TLE2: variants seen among roughly 807,000 people sequenced by gnomAD.
TLE2 encodes the protein transducin-like enhancer protein 2.
Under a neutral mutation model 97.2 loss-of-function variants are expected in TLE2, and 74 were observed. The observed-to-expected ratio is 0.76, with a 90% confidence interval of 0.63 to 0.92. TLE2 has a LOEUF of 0.92. Among genes scored for constraint, TLE2 ranks in the 40% least tolerant of loss-of-function variants. The pLI is 0.00. For missense variants in TLE2, 1,038 were observed against 1,008.7 expected (o/e 1.03, Z -0.39); for synonymous variants, 499 against 432.1 (o/e 1.15, Z -1.92).
chr19:2,998,102 T>G, intron 19 of TLE2, 147 bp from the exon 20 acceptor site: 1 of 629,490 alleles, frequency 1.6e-6, no homozygotes, highest in Non-Finnish European at 2.9e-6. Context: ...TGGAGTTTTG[T>G]TCTTGTCGCC....
chr19:3,013,943 A>G (rs2089649205), intron 10 of TLE2, 125 bp from the exon 11 acceptor site: 1 of 978,974 alleles, frequency 1.0e-6, no homozygotes, highest in East Asian at 3.0e-5. Flanking sequence ...CCATGGGAAG[A>G]TTATGAAATC....
At chr19:3,021,362 G>A (rs906914112) in intron 5 of TLE2, among the ~76,000 whole-genome samples, 2 of 150,562 alleles carry the variant, frequency 1.3e-5, no homozygotes, top group Admixed American at 1.3e-4. Context: ...CCAAGATCGT[G>A]CCATGCACTC....
intron 19 of TLE2, among the ~76,000 whole-genome samples, chr19:3,000,197 G>A (rs933957101): frequency 1.3e-4 from 20 of 150,500 alleles, no homozygotes; most frequent in Middle Eastern, 3.5e-3. Context: ...TCAGCCTCTC[G>A]AGTAGCTGGG....
At chr19:3,000,318 G>A (rs950779409) in intron 19 of TLE2, among the ~76,000 whole-genome samples, 16 of 151,840 alleles carry the variant, frequency 1.1e-4, no homozygotes, top group East Asian at 3.9e-4. Context: ...CTCGTGATCC[G>A]CCTGCCTCAG....
chr19:3,015,999 C>T, intron 8 of TLE2: 2 of 603,050 alleles, frequency 3.3e-6, no homozygotes, highest in Non-Finnish European at 6.2e-6. Flanking sequence ...TGCAGTGGAG[C>T]CATCTCGGCC....
intron 4 of TLE2, among the ~76,000 whole-genome samples, chr19:3,026,081 C>T (rs1011528181): frequency 6.6e-6 from 1 of 152,118 alleles, no homozygotes; most frequent in African/African-American, 2.4e-5. Flanking sequence ...CCCCTCTCAT[C>T]CCTTTAGAAA....
At chr19:2,998,008 A>ACCCATCTG in intron 19 of TLE2, 53 bp from the exon 20 acceptor site, 3 of 1,362,870 alleles carry the variant, frequency 2.2e-6, no homozygotes, top group Non-Finnish European at 3.1e-6. Flanking sequence ...GTCCCCACAG[A>ACCCATCTG]TGGGTGTGTG....
At position 3,009,581 on chromosome 19, in the gene TLE2, G is replaced by C. The variant is rs773334943; in HGVS notation, c.1134C>G (p.Pro378=). ...PSSYVSLHLS[P]QVSSSVVYGR... ...CGTACACCACAGAGCTGCTGACCTG[G>C]GGGGACAGGTGGAGGCTGACGTAGG... is the stretch of plus-strand genomic sequence containing the variant. Residue 378 remains proline, a synonymous_variant, in exon 13 of 20, where the codon CCC becomes CCG. Coordinates refer to ENST00000262953, the MANE Select transcript of TLE2 (RefSeq NM_003260.5). 4.3e-6 allele frequency: 7 copies of C among 1,613,328 alleles called. No homozygotes were observed. The highest frequency in any genetic ancestry group is 5.9e-6 in the Non-Finnish European group (7 of 1,179,690).
At chr19:3,035,483 C>T (rs913840690) in intron 1 of TLE2, among the ~76,000 whole-genome samples, 1 of 151,906 alleles carries the variant, frequency 6.6e-6, no homozygotes, top group Admixed American at 6.6e-5. Flanking sequence ...TACAGAGAGG[C>T]TCAGCCCCTG....
chr19:3,008,570 C>A (rs142531594), intron 14 of TLE2, among the ~76,000 whole-genome samples: 234 of 152,196 alleles, frequency 1.5e-3, no homozygotes, highest in Middle Eastern at 3.4e-3. Flanking sequence ...CCTGCCTCAG[C>A]CTCCCGAGTA....
intron 1 of TLE2, among the ~76,000 whole-genome samples, chr19:3,035,051 T>C (rs950721998): frequency 1.3e-5 from 2 of 152,070 alleles, no homozygotes; most frequent in Non-Finnish European, 2.9e-5. Flanking sequence ...GGAGGGTAAA[T>C]ACAGATTTGT....
intron 11 of TLE2, among the ~76,000 whole-genome samples, chr19:3,012,811 G>A (rs1390790298): frequency 1.9e-4 from 29 of 152,242 alleles, no homozygotes; most frequent in Non-Finnish European, 2.2e-4. Flanking sequence ...CTTGTCTTGC[G>A]TCTGTCTCGG....
upstream of TLE2, among the ~76,000 whole-genome samples, chr19:3,032,140 C>A (rs1022713838): frequency 6.6e-6 from 1 of 152,092 alleles, no homozygotes; most frequent in South Asian, 2.1e-4. This position sits in a 1 kb window ranked among gnomAD's most constrained non-coding sequence, Gnocchi z 4.1. Context: ...CCATGTTGGC[C>A]GGGCTGGTCT....
At chr19:3,037,298 AAAAC>A (rs2090070103) in intron 1 of TLE2, among the ~76,000 whole-genome samples, 1 of 151,420 alleles carries the variant, frequency 6.6e-6, no homozygotes, top group African/African-American at 2.4e-5. Flanking sequence ...AACAAAAACA[AAAAC>A]AAAACAAAAC....
chr19:2,998,341 G>A (rs570290577), intron 19 of TLE2, among the ~76,000 whole-genome samples: 2 of 149,664 alleles, frequency 1.3e-5, no homozygotes, highest in East Asian at 3.9e-4. Flanking sequence ...GCAATGGTGT[G>A]ATCTCTGCTC....
chr19:3,036,352 T>TCCCTCCCGC (rs2090062558), intron 1 of TLE2, among the ~76,000 whole-genome samples: 1 of 152,100 alleles, frequency 6.6e-6, no homozygotes, highest in African/African-American at 2.4e-5. Flanking sequence ...CTCCCGCCCG[T>TCCCTCCCGC]CGCCTCCCTC....
intron 18 of TLE2, among the ~76,000 whole-genome samples, chr19:3,001,418 G>C (rs769721585): frequency 2.0e-5 from 3 of 149,534 alleles, no homozygotes; most frequent in Non-Finnish European, 3.0e-5. Context: ...CCCAGCCCAA[G>C]TTTTGTTTGT....
chr19:3,040,781 C>T (rs1462430030), intron 1 of TLE2, among the ~76,000 whole-genome samples: 2 of 151,798 alleles, frequency 1.3e-5, no homozygotes, highest in Middle Eastern at 3.4e-3. Flanking sequence ...AGACCACAAT[C>T]GTGCACCACC....
intron 19 of TLE2, among the ~76,000 whole-genome samples, chr19:3,000,299 TCTC>T (rs1234034118): frequency 6.6e-6 from 1 of 151,692 alleles, no homozygotes; most frequent in Non-Finnish European, 1.5e-5. Context: ...GTGGTCTCGA[TCTC>T]CTGACCTCGT....
Sources: allele counts gnomAD v4.1 joint callset (sites outside exome capture counted in the v4.1 genomes callset), GRCh38; gene constraint gnomAD v4.1.1; non-coding constraint Gnocchi (gnomAD v3.1); transcripts MANE v1.5; gene names NCBI Gene and HGNC (gene_info 2026-07-23, HGNC 2026-07-21).